The following KIF19 variants were observed in gnomAD, a reference collection of about 807,000 sequenced individuals.
KIF19 encodes kinesin family member 19.
A neutral mutation model predicts 106.6 loss-of-function variants in KIF19; 98 were observed. The ratio of observed to expected loss-of-function variants is 0.92; its 90% CI spans 0.78 to 1.09. KIF19 has a LOEUF of 1.09. KIF19 is among the 50% of genes least tolerant of loss of function. The pLI, the probability that KIF19 is intolerant of heterozygous loss-of-function variation, is 0.00. For missense variants in KIF19, 1,373 were observed against 1,414.3 expected (o/e 0.97, Z 0.47); for synonymous variants, 516 against 584.2 (o/e 0.88, Z 1.68).
At chr17:74,353,959 C>A (rs557220083) in intron 17 of KIF19, among the ~76,000 whole-genome samples, 2 of 152,304 alleles carry the variant, frequency 1.3e-5, no homozygotes, top group East Asian at 3.9e-4. Context: ...TGGAAATAAC[C>A]GATGGCATTA....
At position 74,344,295 on chromosome 17, in the gene KIF19, G is replaced by T. The variant is rs759059040; in HGVS notation, c.529G>T (p.Gly177Trp). 8 of 1,612,064 alleles carry T rather than the reference G, an allele frequency of 5.0e-6. No individual in the cohort carries two copies. Among genetic ancestry groups the T allele is most frequent in the African/African-American group, 1.3e-5 (1 of 74,878 alleles). ...GYLELREDSK[G>W]VIQVAGITEV... ...CCTGGAGCTGCGGGAGGACTCTAAG[G>T]GGGTGATCCAGGTGGCCGGCATCAC... The change falls in exon 6 of 20, where the codon GGG becomes TGG. Residue 177 changes from glycine to tryptophan, a missense_variant. This residue lies in a region of KIF19 where 348 missense variants were observed against 389.5 expected (regional missense o/e 0.89). Coordinates refer to ENST00000389916, the MANE Select transcript of KIF19 (RefSeq NM_153209.4).
intron 12 of KIF19, chr17:74,351,413 C>G (rs979948158): frequency 6.0e-6 from 1 of 166,892 alleles, no homozygotes; most frequent in African/African-American, 2.4e-5. Flanking sequence ...GAATCACTTG[C>G]AACCCTGCAG....
chr17:74,332,499 C>T (rs2054123215), intron 2 of KIF19, among the ~76,000 whole-genome samples: 1 of 152,134 alleles, frequency 6.6e-6, no homozygotes, highest in Non-Finnish European at 1.5e-5. Flanking sequence ...ACAGACCCTC[C>T]TCCTAGCTCT....
chr17:74,353,160 G>A, intron 15 of KIF19, 36 bp from the exon 16 acceptor site: 2 of 1,520,950 alleles, frequency 1.3e-6, no homozygotes, highest in Non-Finnish European at 1.8e-6. Flanking sequence ...GAGATAGCCT[G>A]GTCTACAGCC....
rs1007537005 is a variant in KIF19 at position 74,340,793 on chromosome 17, C to T, written c.121-1083C>T. On this transcript the variant is annotated intron_variant, in intron 2 of 19. Transcript: ENST00000389916. ...CCCAGCGTGCTGACCTCATCCCTCA[C>T]CCAGCTGCCTGTGGCTCTTTGCTCT... Among the ~76,000 whole-genome samples the T allele has an allele frequency of 3.3e-5, 5 of 152,384 alleles. No individual in the cohort carries two copies. The South Asian group carries it at 8.3e-4, about 25-fold the overall frequency.
chr17:74,349,010 T>G, intron 9 of KIF19, 174 bp from the exon 10 acceptor site: 1 of 628,002 alleles, frequency 1.6e-6, no homozygotes, highest in Non-Finnish European at 2.8e-6. Context: ...CACTGAAGGT[T>G]GATGAGATCT....
At chr17:74,333,429 C>T (rs1049482876) in intron 2 of KIF19, among the ~76,000 whole-genome samples, 9 of 140,170 alleles carry the variant, frequency 6.4e-5, no homozygotes, top group African/African-American at 2.5e-4. Context: ...GTGGCGCTAT[C>T]TTAGCTCACT....
In KIF19 at chr17:74,331,222, G is replaced by A. The variant is rs1408604477; in HGVS notation, c.120+2717G>A. On this transcript the variant is annotated intron_variant, in intron 2 of 19. Coordinates refer to ENST00000389916, the MANE Select transcript of KIF19 (RefSeq NM_153209.4). This position sits in a 1 kb window ranked among gnomAD's most constrained non-coding sequence, Gnocchi z 4.1. The stretch of plus-strand genomic sequence containing the variant: ...CCCTGGCCCAGAGGGAGGCTTGGGG[G>A]TCCAGTCCTCGTCAGCTTCTCTGAT... Among the ~76,000 whole-genome samples, 1 of 152,138 alleles carries A rather than the reference G, an allele frequency of 6.6e-6. No homozygotes were observed. The highest frequency in any genetic ancestry group is 1.5e-5 in the Non-Finnish European group (1 of 68,024).
Position 74,355,182 on chromosome 17 carries a change from G to GC in KIF19, c.2870dup (p.Asp959GlyfsTer40), listed in dbSNP as rs1390801475. 18 of 1,595,878 alleles carry GC rather than the reference G, an allele frequency of 1.1e-5. No individual in the cohort carries two copies. In the Admixed American group the frequency reaches 2.6e-4, roughly 23 times the overall value. The stretch of plus-strand genomic sequence containing the variant: ...GATCCTGCCCCTTTCCCTGTTGCAG[G>GC]CCCGGGGGACTCCTCACCCCTGGCT... On this transcript the variant is annotated frameshift_variant and splice_region_variant, in exon 20 of 20. Transcript: ENST00000389916. LOFTEE classifies it low-confidence loss of function (END_TRUNC).
Position 74,355,296 on chromosome 17 carries a change from G to A in KIF19, c.2981G>A (p.Cys994Tyr). 6.2e-7 allele frequency: 1 copy of A among 1,610,874 alleles called. No homozygotes were observed. Among genetic ancestry groups the A allele is most frequent in the Non-Finnish European group, 8.5e-7 (1 of 1,179,210 alleles). ...ACAAGCACCCATGGCAAAGATGGAT[G>A]CTCCCGGCATAACTGAGGGGCCCTG... ...HGTSTHGKDG[C>Y]SRHN Residue 994 changes from cysteine to tyrosine, a missense_variant, in exon 20 of 20, where the codon TGC becomes TAC. Cys to Tyr is a radical substitution (Grantham distance 194, BLOSUM62 -2). This residue lies in a region of KIF19 where 1,020 missense variants were observed against 1,008.2 expected (regional missense o/e 1.01). Coordinates refer to ENST00000389916, the MANE Select transcript of KIF19 (RefSeq NM_153209.4).
rs2054857974 is a variant in KIF19 at position 74,355,470 on chromosome 17, C to G, written c.*158C>G. The stretch of plus-strand genomic sequence containing the variant: ...AGACCCAGGAACTGGGGTCTCTGCC[C>G]AACCCTCCCATGCTTTCAGTGCCAC... On this transcript the variant is annotated 3_prime_UTR_variant, in exon 20 of 20. Transcript: ENST00000389916. 7 of 931,364 alleles carry G rather than the reference C, an allele frequency of 7.5e-6. No individual in the cohort carries two copies. Among genetic ancestry groups the G allele is most frequent in the Non-Finnish European group, 1.1e-5 (7 of 649,788 alleles). The allele number at this position is 931,364 out of a possible 1,614,324, so 57.7% of individuals were successfully genotyped here.
Position 74,354,544 on chromosome 17 carries a change from G to T in KIF19, c.2691G>T (p.Glu897Asp). ...GGAAGCGGAGGTCCCGATCCTTCGA[G>T]GTCACCGGGCAAGGGGTGAGGCGAG... ...KRRKRRSRSFEVTGQGLSHPK... is the reference protein window; with the variant it reads ...KRRKRRSRSFDVTGQGLSHPK... Residue 897 changes from glutamate to aspartate, a missense_variant, in exon 18 of 20, where the codon GAG becomes GAT. Around this residue, in one of 3 missense-constraint regions of KIF19, gnomAD observed 1,020 missense variants for 1,008.2 expected, o/e 1.01. Coordinates refer to ENST00000389916, the MANE Select transcript of KIF19 (RefSeq NM_153209.4). The T allele has an allele frequency of 6.3e-7, 1 of 1,597,110 alleles. No individual in the cohort carries two copies. Among genetic ancestry groups the T allele is most frequent in the Non-Finnish European group, 8.5e-7 (1 of 1,173,086 alleles).
At chr17:74,352,975 C>T in intron 15 of KIF19, 21 bp downstream of exon 15, 1 of 1,613,012 alleles carries the variant, frequency 6.2e-7, no homozygotes, top group Non-Finnish European at 8.5e-7. Flanking sequence ...GGCCACCTGC[C>T]CCAGCCCCCA....
rs746844897 is a variant in KIF19 at position 74,342,672 on chromosome 17, G to A, written c.274G>A (p.Val92Ile). The change falls in exon 4 of 20, where the codon GTC (valine) becomes ATC (isoleucine). Residue 92 changes from valine (V) to isoleucine (I), a missense_variant. By Grantham distance (29) the Val-to-Ile change is conservative. Around this residue, in one of 3 missense-constraint regions of KIF19, gnomAD observed 348 missense variants for 389.5 expected, o/e 0.89. Transcript: ENST00000389916. ...CACCACCAAGAGCCTCATCGAGGGCGTCATCTCAGGCTACAATGCCACTGT... is the reference window on the plus strand; with the variant it reads ...CACCACCAAGAGCCTCATCGAGGGCATCATCTCAGGCTACAATGCCACTGT... ...QATTKSLIEG[V>I]ISGYNATVFA... 21 of 1,613,568 alleles carry A rather than the reference G, an allele frequency of 1.3e-5. No homozygotes were observed. In the East Asian group the frequency reaches 2.5e-4, roughly 19 times the overall value.
chr17:74,339,885 C>T (rs2144236476), intron 2 of KIF19, among the ~76,000 whole-genome samples: 1 of 152,288 alleles, frequency 6.6e-6, no homozygotes, highest in Non-Finnish European at 1.5e-5. Context: ...CCTGTGGAAT[C>T]CCAGTGACCT....
rs184410980 is a variant in KIF19, at chr17:74,331,130, C to T, written c.120+2625C>T. On this transcript the variant is annotated intron_variant, in intron 2 of 19. Coordinates refer to ENST00000389916, the MANE Select transcript of KIF19 (RefSeq NM_153209.4). This position sits in a 1 kb window ranked among gnomAD's most constrained non-coding sequence, Gnocchi z 4.1. ...ATGGACCCCCCCTTACCCTTGTCCCCGACCTGACCAGTTCCCCCACCTCCT... is the reference window on the plus strand; with the variant it reads ...ATGGACCCCCCCTTACCCTTGTCCCTGACCTGACCAGTTCCCCCACCTCCT... Among the ~76,000 whole-genome samples, 53 of 152,258 alleles carry T rather than the reference C, an allele frequency of 3.5e-4. No homozygotes were observed. The highest frequency in any genetic ancestry group is 1.2e-3 in the African/African-American group (49 of 41,544).
intron 2 of KIF19, 151 bp downstream of exon 2, chr17:74,328,656 A>G (rs1484630382): frequency 1.6e-6 from 1 of 614,002 alleles, no homozygotes; most frequent in African/African-American, 1.9e-5. Flanking sequence ...TGACATCACC[A>G]AGGAAGCTGG....
Position 74,354,208 on chromosome 17 carries a change from C to T in KIF19, c.2355C>T (p.Ala785=), listed in dbSNP as rs747299635. Residue 785 remains alanine, a synonymous_variant, in exon 18 of 20, where the codon GCC becomes GCT. Coordinates refer to ENST00000389916, the MANE Select transcript of KIF19 (RefSeq NM_153209.4). ...GCACCAAGTGCATCTGGGTGAAGGC[C>T]GCCCGGCGGCGCTCGCGGGCCCTGG... ...LTGTKCIWVK[A]ARRRSRALGT... is the part of the protein sequence containing the mutation. 3.1e-6 allele frequency: 5 copies of T among 1,609,170 alleles called. No homozygotes were observed. The highest frequency in any genetic ancestry group is 2.2e-5 in the East Asian group (1 of 44,866).
chr17:74,328,406 G>A lies in KIF19; in HGVS notation c.40-19G>A. 6.3e-7 allele frequency: 1 copy of A among 1,596,330 alleles called. No individual in the cohort carries two copies. Among genetic ancestry groups the A allele is most frequent in the Non-Finnish European group, 8.5e-7 (1 of 1,172,660 alleles). On this transcript the variant is annotated intron_variant, in intron 1 of 19. Transcript: ENST00000389916. ...TGGTCCTCTCCCTCTAATCCCAGGG[G>A]CTTGGTTTTCCCTCCCAGGTGGCGC... is the stretch of plus-strand genomic sequence containing the variant.
Sources: allele counts gnomAD v4.1 joint callset (sites outside exome capture counted in the v4.1 genomes callset), GRCh38; gene constraint gnomAD v4.1.1; regional missense constraint gnomAD v4.1.1; non-coding constraint Gnocchi (gnomAD v3.1); transcripts MANE v1.5; gene names NCBI Gene and HGNC (gene_info 2026-07-23, HGNC 2026-07-21).